The following OSBPL3 variants were observed in gnomAD, a reference collection of about 807,000 sequenced individuals.
The protein encoded by OSBPL3 is oxysterol binding protein like 3, also known as oxysterol-binding protein-related protein 3.
OSBPL3 carries 65 observed loss-of-function variants against 120.1 expected under a neutral mutation model. The ratio of observed to expected loss-of-function variants is 0.54; its 90% CI spans 0.44 to 0.67. OSBPL3 has a LOEUF of 0.67. Among genes scored for constraint, OSBPL3 ranks in the 30% least tolerant of loss-of-function variants. OSBPL3 has a pLI of 0.00. For synonymous variants in OSBPL3, 416 were observed against 402.6 expected, an observed-to-expected ratio of 1.03 and a Z score of -0.40; for missense variants, 1,004 against 1,082.1, an observed-to-expected ratio of 0.93 and a Z score of 1.01.
At position 24,820,258 on chromosome 7, in the gene OSBPL3, G is replaced by T. The variant is rs1448082696; in HGVS notation, c.1885-20C>A. On this transcript the variant is annotated intron_variant, in intron 16 of 22. Transcript: ENST00000313367. The surrounding 1 kb of genome is among the most constrained non-coding windows in gnomAD (Gnocchi z 4.6). ...GCTGACCTGATGGAAACAAAGGACA[G>T]AAAAACAAAAAATGAATGAACTTTT... 1.3e-6 allele frequency: 2 copies of T among 1,588,626 alleles called. No individual in the cohort carries two copies. The highest frequency in any genetic ancestry group is 1.7e-6 in the Non-Finnish European group (2 of 1,160,038).
At chr7:24,943,395 A>G (rs1813324409) in intron 1 of OSBPL3, among the ~76,000 whole-genome samples, 1 of 152,254 alleles carries the variant, frequency 6.6e-6, no homozygotes, top group Admixed American at 6.5e-5. Context: ...AGGAAGGACA[A>G]AAAACATTTC....
rs1796411128 is a variant in OSBPL3, at chr7:24,831,907, A to C, written c.1747-1002T>G. On this transcript the variant is annotated intron_variant, in intron 15 of 22. Transcript: ENST00000313367. This position sits in a 1 kb window ranked among gnomAD's most constrained non-coding sequence, Gnocchi z 4.0. ...TAGAGCAGCTGGATGGCTTATAAAAATCAGCTATACTCGGCTGGGTGCAGT... is the reference window on the plus strand; with the variant it reads ...TAGAGCAGCTGGATGGCTTATAAAACTCAGCTATACTCGGCTGGGTGCAGT... Among the ~76,000 whole-genome samples the C allele has an allele frequency of 6.6e-6, 1 of 152,196 alleles. No individual in the cohort carries two copies. The highest frequency in any genetic ancestry group is 1.5e-5 in the Non-Finnish European group (1 of 68,022).
chr7:24,909,783 C>CTTTTTTTTTTTTTTTTTTTTT (rs10591188), intron 1 of OSBPL3, among the ~76,000 whole-genome samples: 9 of 77,276 alleles, frequency 1.2e-4, no homozygotes, highest in African/African-American at 1.6e-4. Flanking sequence ...TTTTTTCTTT[C>CTTTTTTTTTTTTTTTTTTTTT]TTTTTTTTTT....
intron 2 of OSBPL3, among the ~76,000 whole-genome samples, chr7:24,888,894 T>C (rs1376004580): frequency 6.6e-6 from 1 of 152,224 alleles, no homozygotes; most frequent in Non-Finnish European, 1.5e-5. Context: ...CTGGCAATAC[T>C]GGATGAGAAT....
In OSBPL3 at chr7:24,805,113, G is replaced by T. The variant is rs1011885541; in HGVS notation, c.2445-676C>A. On this transcript the variant is annotated intron_variant, in intron 21 of 22. Transcript: ENST00000313367. This position sits in a 1 kb window ranked among gnomAD's most constrained non-coding sequence, Gnocchi z 4.0. ...ATCTGTAGGAGAAATTTCTAGAAGT[G>T]AAATTGCTGGATGAAAGGGTGAGTG... Among the ~76,000 whole-genome samples the T allele has an allele frequency of 1.2e-4, 18 of 152,298 alleles. No homozygotes were observed. The highest frequency in any genetic ancestry group is 1.0e-3 in the Admixed American group (16 of 15,306).
At chr7:24,838,452 C>T (rs950190312) in intron 14 of OSBPL3, among the ~76,000 whole-genome samples, 1 of 152,202 alleles carries the variant, frequency 6.6e-6, no homozygotes, top group African/African-American at 2.4e-5. Flanking sequence ...ACCGAGATCG[C>T]ACCACTGCAC....
intron 13 of OSBPL3, 109 bp from the exon 14 acceptor site, chr7:24,840,892 T>C (rs1483326206): frequency 1.7e-6 from 1 of 583,670 alleles, no homozygotes; most frequent in African/African-American, 2.0e-5. Context: ...ACAGTACAAA[T>C]ACTCTTGGGT....
At chr7:24,874,211 G>A (rs1428504592) in intron 2 of OSBPL3, among the ~76,000 whole-genome samples, 1 of 152,190 alleles carries the variant, frequency 6.6e-6, no homozygotes, top group Non-Finnish European at 1.5e-5. Flanking sequence ...TTACAAATTA[G>A]ATACAATGCA....
rs1286187503 is a variant in OSBPL3, at chr7:24,855,668, GA to G, written c.1028-3035del. On this transcript the variant is annotated intron_variant, in intron 10 of 22. Coordinates refer to ENST00000313367, the MANE Select transcript of OSBPL3 (RefSeq NM_015550.4). The surrounding 1 kb of genome is among the most constrained non-coding windows in gnomAD (Gnocchi z 4.3). ...AGGGCAATGATCAGAGGTTGCTCATGAGAGACCACATTTATATTAATTGTTT... is the reference window on the plus strand; with the variant it reads ...AGGGCAATGATCAGAGGTTGCTCATGGAGACCACATTTATATTAATTGTTT... Among the ~76,000 whole-genome samples, 4 of 152,182 alleles carry G rather than the reference GA, an allele frequency of 2.6e-5. No homozygotes were observed. In the East Asian group the frequency reaches 7.7e-4, roughly 29 times the overall value.
Position 24,820,156 on chromosome 7 carries a change from A to G in OSBPL3, c.1948+19T>C. The G allele has an allele frequency of 6.5e-7, 1 of 1,529,142 alleles. No homozygotes were observed. Among genetic ancestry groups the G allele is most frequent in the Non-Finnish European group, 9.1e-7 (1 of 1,104,674 alleles). The allele number at this position is 1,529,142 out of a possible 1,614,324, so 94.7% of individuals were successfully genotyped here. A position where few individuals can be genotyped will look rare whatever the true frequency, so the allele number is the denominator to read the frequency against. On this transcript the variant is annotated intron_variant, in intron 17 of 22. Transcript: ENST00000313367. The surrounding 1 kb of genome is among the most constrained non-coding windows in gnomAD (Gnocchi z 4.6). ...CATATTACACAATATGATGGAAGTAAAATGTATTAGCACATTACCTTGCCA... is the reference window on the plus strand; with the variant it reads ...CATATTACACAATATGATGGAAGTAGAATGTATTAGCACATTACCTTGCCA...
intron 1 of OSBPL3, among the ~76,000 whole-genome samples, chr7:24,911,696 C>T (rs781715259): frequency 4.9e-4 from 74 of 151,896 alleles, no homozygotes; most frequent in Middle Eastern, 3.2e-3. Flanking sequence ...ACTGCAGGGG[C>T]GATAATAATT....
At chr7:24,832,635 C>T (rs1030573137) in intron 15 of OSBPL3, among the ~76,000 whole-genome samples, 2 of 152,132 alleles carry the variant, frequency 1.3e-5, no homozygotes, top group African/African-American at 4.8e-5. Flanking sequence ...ACATTGGTGA[C>T]CTGTGAAACA....
chr7:24,949,518 C>G (rs1347836301), intron 1 of OSBPL3, among the ~76,000 whole-genome samples: 1 of 152,208 alleles, frequency 6.6e-6, no homozygotes, highest in Non-Finnish European at 1.5e-5. Flanking sequence ...ATGTTGGCAG[C>G]AGATCCTCTT....
chr7:24,814,469 A>G (rs1271327172), intron 19 of OSBPL3, among the ~76,000 whole-genome samples: 1 of 152,160 alleles, frequency 6.6e-6, no homozygotes, highest in Admixed American at 6.5e-5. Flanking sequence ...TAAAAAAAAA[A>G]AAAGTCTGGT....
rs2128500487 is a variant in OSBPL3, at chr7:24,952,870, C to G, written c.-150+27016G>C. On this transcript the variant is annotated intron_variant, in intron 1 of 22. Transcript: ENST00000313367. This position sits in a 1 kb window ranked among gnomAD's most constrained non-coding sequence, Gnocchi z 4.4. ...TCATTTAAAATAACTCTGGGATGGC[C>G]AATGCCTGTAATCTCAGCACTTTAG... Among the ~76,000 whole-genome samples, 1 of 152,266 alleles carries G rather than the reference C, an allele frequency of 6.6e-6. No individual in the cohort carries two copies. Among genetic ancestry groups the G allele is most frequent in the Non-Finnish European group, 1.5e-5 (1 of 68,014 alleles).
chr7:24,902,175 T>C (rs1807121507), intron 1 of OSBPL3, among the ~76,000 whole-genome samples: 1 of 152,238 alleles, frequency 6.6e-6, no homozygotes, highest in African/African-American at 2.4e-5. Flanking sequence ...GGCAATCACA[T>C]TGCTATAAGT....
Position 24,891,279 on chromosome 7 carries a change from G to C in OSBPL3, c.96+1098C>G, listed in dbSNP as rs567347559. On this transcript the variant is annotated intron_variant, in intron 2 of 22. Coordinates refer to ENST00000313367, the MANE Select transcript of OSBPL3 (RefSeq NM_015550.4). This position sits in a 1 kb window ranked among gnomAD's most constrained non-coding sequence, Gnocchi z 4.1. ...TGACAAAATTCTCCTTAACCCCTCA[G>C]GGGAGATCCTGGAGGGCTTCCCAAA... Among the ~76,000 whole-genome samples, 1 of 152,100 alleles carries C rather than the reference G, an allele frequency of 6.6e-6. No homozygotes were observed. The highest frequency in any genetic ancestry group is 2.4e-5 in the African/African-American group (1 of 41,488).
intron 1 of OSBPL3, among the ~76,000 whole-genome samples, chr7:24,911,831 T>C (rs1171256340): frequency 6.6e-6 from 1 of 152,164 alleles, no homozygotes; most frequent in Non-Finnish European, 1.5e-5. Context: ...ACTTTTAAAC[T>C]AGTGCAAACT....
At chr7:24,843,254 G>A (rs1375470844) in intron 12 of OSBPL3, among the ~76,000 whole-genome samples, 2 of 152,176 alleles carry the variant, frequency 1.3e-5, no homozygotes, top group African/African-American at 2.4e-5. Context: ...TAGACAAAGT[G>A]CTGGCAAAGT....
Sources: gnomAD v4.1 joint callset for allele counts (sites outside exome capture counted in the v4.1 genomes callset) on GRCh38, gnomAD v4.1.1 for gene constraint, Gnocchi (gnomAD v3.1) non-coding constraint, MANE v1.5 for transcripts, NCBI Gene and HGNC (gene_info 2026-07-23, HGNC 2026-07-21) for gene names.